Variants in ABLIM3 observed in about 807,000 individuals in gnomAD.
The protein encoded by ABLIM3 is actin-binding LIM protein 3.
ABLIM3 carries 61 observed loss-of-function variants against 109.5 expected under a neutral mutation model. The ratio of observed to expected loss-of-function variants is 0.56; its 90% CI spans 0.45 to 0.69. The LOEUF (loss-of-function observed/expected upper bound fraction) is 0.69. Ranked by LOEUF, ABLIM3 falls within the 30% of genes least tolerant of loss-of-function variation. The pLI, the probability that ABLIM3 is intolerant of heterozygous loss-of-function variation, is 0.00. For synonymous variants in ABLIM3, 300 were observed against 324.8 expected (o/e 0.92, Z 0.82); for missense variants, 796 against 889.5 (o/e 0.89, Z 1.34).
intron 8 of ABLIM3, among the ~76,000 whole-genome samples, chr5:149,225,982 GTATATATATATA>G (rs58844908): frequency 0.11 from 4,906 of 44,996 alleles, 161 homozygotes; most frequent in East Asian, 0.2. Context: ...GTGTGTGTGT[GTATATATATATA>G]TATATATATA....
intron 3 of ABLIM3, among the ~76,000 whole-genome samples, chr5:149,190,218 A>G (rs958097032): frequency 6.6e-6 from 1 of 152,218 alleles, no homozygotes; most frequent in East Asian, 1.9e-4. Context: ...TTGGAGGAAG[A>G]TAAGGAGTGA....
At chr5:149,226,354 A>G (rs934519265) in intron 8 of ABLIM3, among the ~76,000 whole-genome samples, 2 of 152,010 alleles carry the variant, frequency 1.3e-5, no homozygotes, top group African/African-American at 2.4e-5. Context: ...GTGTGGTGGC[A>G]TGCACCTGTA....
chr5:149,243,004 C>T (rs940836820), intron 15 of ABLIM3, among the ~76,000 whole-genome samples: 1 of 152,180 alleles, frequency 6.6e-6, no homozygotes. Context: ...GGAACCCCTG[C>T]TGTAAGTTGT....
chr5:149,248,382 T>A (rs1218347313), intron 18 of ABLIM3, among the ~76,000 whole-genome samples: 4 of 152,034 alleles, frequency 2.6e-5, no homozygotes, highest in Non-Finnish European at 4.4e-5. Flanking sequence ...TGACTTCCAG[T>A]CAGATTCAGT....
Position 149,249,863 on chromosome 5 carries a change from AC to A in ABLIM3, c.1729+21del. Reference sequence around the variant, plus strand: ...GACAGTGGTAAGTTCTACCTGCCCTACCTTCAGCCCATCATGTCCCATGAGG... The same window carrying A: ...GACAGTGGTAAGTTCTACCTGCCCTACTTCAGCCCATCATGTCCCATGAGG... On this transcript the variant is annotated intron_variant, in intron 19 of 23. Transcript: ENST00000309868. The A allele has an allele frequency of 6.2e-7, 1 of 1,614,088 alleles. No individual in the cohort carries two copies. Among genetic ancestry groups the A allele is most frequent in the Non-Finnish European group, 8.5e-7 (1 of 1,179,964 alleles).
Position 149,244,955 on chromosome 5 carries a change from T to C in ABLIM3, c.1426T>C (p.Ser476Pro), listed in dbSNP as rs778317531. 1.2e-6 allele frequency: 2 copies of C among 1,614,122 alleles called. No homozygotes were observed. Among genetic ancestry groups the C allele is most frequent in the Non-Finnish European group, 1.7e-6 (2 of 1,180,024 alleles). Reference sequence around the variant, plus strand: ...GACCTCCAAGTACAGTCCCATCTACTCGCCAGACCCCTACTATGCTTCGGA... The same window carrying C: ...GACCTCCAAGTACAGTCCCATCTACCCGCCAGACCCCTACTATGCTTCGGA... Reference protein sequence around the residue: ...SQTSKYSPIYSPDPYYASESE... With the variant: ...SQTSKYSPIYPPDPYYASESE... Residue 476 changes from serine to proline, a missense_variant, in exon 16 of 24, where the codon TCG becomes CCG. Ser to Pro is a moderately conservative substitution (Grantham distance 74). Coordinates refer to ENST00000309868, the MANE Select transcript of ABLIM3 (RefSeq NM_014945.5).
chr5:149,259,143 A>T lies in ABLIM3; in HGVS notation c.*739A>T. 9.8e-7 allele frequency: 1 copy of T among 1,016,834 alleles called. No individual in the cohort carries two copies. The highest frequency in any genetic ancestry group is 1.2e-6 in the Non-Finnish European group (1 of 849,924). The allele number at this position is 1,016,834 out of a possible 1,614,324, so 63.0% of individuals were successfully genotyped here. A position where few individuals can be genotyped will look rare whatever the true frequency, so the allele number is the denominator to read the frequency against. On this transcript the variant is annotated 3_prime_UTR_variant, in exon 24 of 24. Coordinates refer to ENST00000309868, the MANE Select transcript of ABLIM3 (RefSeq NM_014945.5). Reference sequence around the variant, plus strand: ...GCCCCTTTGCCTGACCTGGACTTGGAGAACCAGAGGAAAAGAGAGGGAGCG... The same window carrying T: ...GCCCCTTTGCCTGACCTGGACTTGGTGAACCAGAGGAAAAGAGAGGGAGCG...
intron 2 of ABLIM3, among the ~76,000 whole-genome samples, chr5:149,155,933 A>G (rs1753836070): frequency 6.6e-6 from 1 of 152,178 alleles, no homozygotes; most frequent in South Asian, 2.1e-4. Context: ...ACCTGCCCAG[A>G]GCTGTGCATT....
intron 14 of ABLIM3, among the ~76,000 whole-genome samples, chr5:149,241,593 T>C (rs1752852278): frequency 2.0e-5 from 3 of 152,190 alleles, no homozygotes; most frequent in Admixed American, 6.5e-5. Flanking sequence ...ACGCTGTCTC[T>C]ACTAAAAATA....
intron 23 of ABLIM3, among the ~76,000 whole-genome samples, chr5:149,257,957 A>C (rs1402725423): frequency 6.6e-6 from 1 of 152,170 alleles, no homozygotes; most frequent in African/African-American, 2.4e-5. Context: ...TTCTGGATGC[A>C]AATACATGGA....
chr5:149,256,816 C>A (rs139857377), intron 23 of ABLIM3, among the ~76,000 whole-genome samples: 1 of 152,290 alleles, frequency 6.6e-6, no homozygotes, highest in African/African-American at 2.4e-5. Flanking sequence ...GTCCTATTTT[C>A]TCTCTTTTGT....
intron 8 of ABLIM3, among the ~76,000 whole-genome samples, chr5:149,225,970 GTGTGTGTGTGTGTATATATATATATA>G (rs1761169287): frequency 1.4e-5 from 1 of 74,030 alleles, no homozygotes; most frequent in African/African-American, 9.0e-5. Context: ...GTGTGTGTGT[GTGTGTGTGTGTGTATATATATATATA>G]TATATATATA....
intron 10 of ABLIM3, 47 bp downstream of exon 10, chr5:149,233,347 C>G: frequency 6.4e-7 from 1 of 1,566,006 alleles, no homozygotes; most frequent in South Asian, 1.1e-5. Flanking sequence ...TATTCCTGAC[C>G]TGGTATATAA....
intron 2 of ABLIM3, among the ~76,000 whole-genome samples, chr5:149,179,583 A>G (rs1756279028): frequency 6.6e-6 from 1 of 152,086 alleles, no homozygotes; most frequent in African/African-American, 2.4e-5. Flanking sequence ...TTAGTCTGAG[A>G]TGATATTCCT....
intron 17 of ABLIM3, 35 bp from the exon 18 acceptor site, chr5:149,247,747 C>T: frequency 6.2e-7 from 1 of 1,614,054 alleles, no homozygotes; most frequent in South Asian, 1.1e-5. Context: ...CTTTGTTTTC[C>T]TTCTAACTTT....
At chr5:149,151,877 G>C (rs1157501227) in intron 2 of ABLIM3, among the ~76,000 whole-genome samples, 1 of 152,190 alleles carries the variant, frequency 6.6e-6, no homozygotes, top group Non-Finnish European at 1.5e-5. Context: ...GTATTTACTG[G>C]ACACCAGCTC....
At chr5:149,183,329 T>C in intron 2 of ABLIM3, 123 bp from the exon 3 acceptor site, 1 of 1,171,936 alleles carries the variant, frequency 8.5e-7, no homozygotes, top group Non-Finnish European at 1.2e-6. Context: ...GAATTGAAGA[T>C]ACTTTGCACA....
intron 21 of ABLIM3, among the ~76,000 whole-genome samples, 184 bp downstream of exon 21, chr5:149,251,603 C>A (rs918288655): frequency 4.6e-5 from 7 of 151,730 alleles, no homozygotes; most frequent in Non-Finnish European, 8.8e-5. Flanking sequence ...CTTCCGTTAT[C>A]CTCTCAAGTC....
chr5:149,216,071 T>A lies in ABLIM3; in HGVS notation c.670-888T>A, dbSNP rs543939065. ...GGCACTCACCAAAGTCACACTGGGG[T>A]GAGCTGCGGTAGGGCTGGACACACC... On this transcript the variant is annotated intron_variant, in intron 7 of 23. Coordinates refer to ENST00000309868, the MANE Select transcript of ABLIM3 (RefSeq NM_014945.5). Among the ~76,000 whole-genome samples the A allele has an allele frequency of 1.3e-3, 199 of 151,844 alleles. 2 individuals carry two copies. The South Asian group carries it at 0.016, about 12-fold the overall frequency.
Sources: allele counts gnomAD v4.1 joint callset (sites outside exome capture counted in the v4.1 genomes callset), GRCh38; gene constraint gnomAD v4.1.1; transcripts MANE v1.5; gene names NCBI Gene and HGNC (gene_info 2026-07-23, HGNC 2026-07-21).